Variants in FBXO45 observed in about 807,000 individuals in gnomAD.
FBXO45 encodes F-box/SPRY domain-containing protein 1.
A neutral mutation model predicts 25.5 loss-of-function variants in FBXO45; 3 were observed. The observed-to-expected ratio is 0.12, with a 90% CI of 0.05 to 0.30. FBXO45 has a LOEUF of 0.30. Ranked by LOEUF, FBXO45 falls within the 10% of genes least tolerant of loss-of-function variation. The pLI, the probability that FBXO45 is intolerant of heterozygous loss-of-function variation, is 1.00. For synonymous variants in FBXO45, 155 were observed against 149.8 expected (o/e 1.03, Z -0.25); for missense variants, 219 against 365.0 (o/e 0.60, Z 3.26).
chr3:196,577,911 TA>T, intron 2 of FBXO45, 102 bp downstream of exon 2: 2 of 664,358 alleles, frequency 3.0e-6, no homozygotes, highest in Non-Finnish European at 2.2e-6. Context: ...GTCTTTTTGG[TA>T]ATTTTTATTT....
At position 196,586,888 on chromosome 3, in the gene FBXO45, C is replaced by T. The variant is rs1289281789; in HGVS notation, c.*2570C>T. On this transcript the variant is annotated 3_prime_UTR_variant, in exon 3 of 3. Transcript: ENST00000311630. Reference sequence around the variant, plus strand: ...TTGTAAAATTCACCTTGAGTTTTCTCATCTGCAAAATAGAAAAAAAAAAAT... The same window carrying T: ...TTGTAAAATTCACCTTGAGTTTTCTTATCTGCAAAATAGAAAAAAAAAAAT... 6.9e-6 allele frequency: 1 copy of T among 144,968 alleles called. No individual in the cohort carries two copies. Among genetic ancestry groups the T allele is most frequent in the Admixed American group, 7.3e-5 (1 of 13,756 alleles). 9.0% of individuals were successfully genotyped at this position (144,968 alleles called of 1,614,324 possible). A position where few individuals can be genotyped will look rare whatever the true frequency, so the allele number is the denominator to read the frequency against.
chr3:196,576,696 A>AT (rs1201936949), intron 1 of FBXO45, among the ~76,000 whole-genome samples: 1 of 152,336 alleles, frequency 6.6e-6, no homozygotes, highest in East Asian at 1.9e-4. Context: ...TGTCTTATTG[A>AT]TAGCTTCTCT....
At chr3:196,581,693 T>C (rs1175993620) in intron 2 of FBXO45, among the ~76,000 whole-genome samples, 1 of 152,226 alleles carries the variant, frequency 6.6e-6, no homozygotes, top group Admixed American at 6.5e-5. Context: ...TGTTGATTGC[T>C]TTTTTCCCCT....
chr3:196,587,376 A>C lies in FBXO45; in HGVS notation c.*3058A>C, dbSNP rs771211881. On this transcript the variant is annotated 3_prime_UTR_variant, in exon 3 of 3. Coordinates refer to ENST00000311630, the MANE Select transcript of FBXO45 (RefSeq NM_001105573.2). ...CATTTATTTCATCTCCCTCATTCAC[A>C]TAAAGTGTAGATATGGATTCAATAA... 4 of 152,232 alleles carry C rather than the reference A, an allele frequency of 2.6e-5. No homozygotes were observed. The highest frequency in any genetic ancestry group is 4.4e-5 in the Non-Finnish European group (3 of 68,044). The allele number at this position is 152,232 out of a possible 1,614,324, so 9.4% of individuals were successfully genotyped here. A position where few individuals can be genotyped will look rare whatever the true frequency, so the allele number is the denominator to read the frequency against.
At chr3:196,571,002 G>C (rs764213561) in intron 1 of FBXO45, among the ~76,000 whole-genome samples, 1 of 151,718 alleles carries the variant, frequency 6.6e-6, no homozygotes, top group African/African-American at 2.4e-5. Flanking sequence ...GAGCTCATGC[G>C]CCCGGCCTCA....
intron 2 of FBXO45, among the ~76,000 whole-genome samples, chr3:196,583,260 CACTT>C (rs1690499016): frequency 6.6e-6 from 1 of 152,152 alleles, no homozygotes; most frequent in Non-Finnish European, 1.5e-5. Flanking sequence ...GTAATCCCAG[CACTT>C]TGGGAGGCTG....
At chr3:196,572,443 C>T (rs1735844469) in intron 1 of FBXO45, among the ~76,000 whole-genome samples, 1 of 152,148 alleles carries the variant, frequency 6.6e-6, no homozygotes, top group African/African-American at 2.4e-5. Flanking sequence ...AAGGCTTTCT[C>T]AGATCCATGT....
intron 1 of FBXO45, among the ~76,000 whole-genome samples, chr3:196,573,974 G>C (rs1735872389): frequency 8.0e-6 from 1 of 124,406 alleles, no homozygotes; most frequent in South Asian, 2.5e-4. Flanking sequence ...GTCTTGCTCT[G>C]TTGCCCAGGC....
intron 1 of FBXO45, among the ~76,000 whole-genome samples, chr3:196,570,813 G>T (rs1180986394): frequency 6.7e-6 from 1 of 148,506 alleles, no homozygotes; most frequent in Non-Finnish European, 1.5e-5. Context: ...CCGGGTTCAC[G>T]CCATTCTCCT....
At chr3:196,577,148 A>G (rs1481562157) in intron 1 of FBXO45, among the ~76,000 whole-genome samples, 5 of 152,350 alleles carry the variant, frequency 3.3e-5, no homozygotes, top group African/African-American at 9.6e-5. Flanking sequence ...TAAACGTTTC[A>G]GTATTATCTG....
rs1735737456 is a variant in FBXO45 at position 196,569,376 on chromosome 3, G to A, written c.318+74G>A. The A allele has an allele frequency of 7.1e-7, 1 of 1,401,736 alleles. No individual in the cohort carries two copies. The highest frequency in any genetic ancestry group is 2.6e-5 in the East Asian group (1 of 37,826). The allele number at this position is 1,401,736 out of a possible 1,614,324, so 86.8% of individuals were successfully genotyped here. ...GTCGTTCGCGGTGTTTCTCATCCGA[G>A]CTTCTGAGTCAGAAGCTTCGCCTCA... On this transcript the variant is annotated intron_variant, in intron 1 of 2. Transcript: ENST00000311630. This position sits in a 1 kb window ranked among gnomAD's most constrained non-coding sequence, Gnocchi z 4.1.
intron 2 of FBXO45, among the ~76,000 whole-genome samples, chr3:196,579,403 A>G (rs1167293648): frequency 6.6e-6 from 1 of 152,216 alleles, no homozygotes; most frequent in South Asian, 2.1e-4. Flanking sequence ...CTCTGCGGAT[A>G]CTATAAGGAG....
chr3:196,583,796 C>T (rs953123601), intron 2 of FBXO45, among the ~76,000 whole-genome samples: 23 of 152,166 alleles, frequency 1.5e-4, no homozygotes, highest in African/African-American at 4.8e-4. Context: ...GGTGCGATAC[C>T]AGCTTTGCGC....
rs1041274219 is a variant in FBXO45 at position 196,585,041 on chromosome 3, T to G, written c.*723T>G. Reference sequence around the variant, plus strand: ...GGAGATGTGTTGTATTGACTCATTTTGTATTATTTTTGGCTTACAGTTCCC... The same window carrying G: ...GGAGATGTGTTGTATTGACTCATTTGGTATTATTTTTGGCTTACAGTTCCC... On this transcript the variant is annotated 3_prime_UTR_variant, in exon 3 of 3. Coordinates refer to ENST00000311630, the MANE Select transcript of FBXO45 (RefSeq NM_001105573.2). 1 of 152,218 alleles carries G rather than the reference T, an allele frequency of 6.6e-6. No individual in the cohort carries two copies. The highest frequency in any genetic ancestry group is 1.5e-5 in the Non-Finnish European group (1 of 68,040). 9.4% of individuals were successfully genotyped at this position (152,218 alleles called of 1,614,324 possible).
Position 196,568,871 on chromosome 3 carries a change from C to G in FBXO45, c.-114C>G, listed in dbSNP as rs940625425. ...GTGGTGGAGGCGCCGGCGGTTGGCA[C>G]TGACAGGGGCGGTGAGCGAGCCGCT... On this transcript the variant is annotated 5_prime_UTR_variant, in exon 1 of 3. Coordinates refer to ENST00000311630, the MANE Select transcript of FBXO45 (RefSeq NM_001105573.2). The G allele has an allele frequency of 4.9e-6, 4 of 820,344 alleles. No homozygotes were observed. Among genetic ancestry groups the G allele is most frequent in the Non-Finnish European group, 5.9e-6 (4 of 678,878 alleles). 50.8% of individuals were successfully genotyped at this position (820,344 alleles called of 1,614,324 possible).
In FBXO45 at chr3:196,577,824, T is replaced by A; in HGVS notation, c.675+15T>A. 6.5e-7 allele frequency: 1 copy of A among 1,536,160 alleles called. No individual in the cohort carries two copies. Among genetic ancestry groups the A allele is most frequent in the South Asian group, 1.2e-5 (1 of 82,650 alleles). On this transcript the variant is annotated intron_variant, in intron 2 of 2. Transcript: ENST00000311630. ...CAAAATATCAGGTGAGAAACTGGGG[T>A]TTTTCTCAAGTATGGGCCTTTGTCA...
chr3:196,569,194 G>A lies in FBXO45; in HGVS notation c.210G>A (p.Leu70=), dbSNP rs1207391451. 1 of 1,568,390 alleles carries A rather than the reference G, an allele frequency of 6.4e-7. No homozygotes were observed. Among genetic ancestry groups the A allele is most frequent in the South Asian group, 1.2e-5 (1 of 85,148 alleles). Residue 70 remains leucine (L), a synonymous_variant, in exon 1 of 3, where the codon CTG becomes CTA. Coordinates refer to ENST00000311630, the MANE Select transcript of FBXO45 (RefSeq NM_001105573.2). The surrounding 1 kb of genome is among the most constrained non-coding windows in gnomAD (Gnocchi z 4.1). Reference sequence around the variant, plus strand: ...TGTGCAAGCACTGGTACCGCTGCCTGCACGGCGATGAGAACAGCGAGGTGT... The same window carrying A: ...TGTGCAAGCACTGGTACCGCTGCCTACACGGCGATGAGAACAGCGAGGTGT... ...ALVCKHWYRC[L]HGDENSEVWR...
At chr3:196,573,991 G>T (rs1020447913) in intron 1 of FBXO45, among the ~76,000 whole-genome samples, 1 of 145,862 alleles carries the variant, frequency 6.9e-6, no homozygotes. Flanking sequence ...AGGCTGGAGC[G>T]CAGTGGCACA....
At position 196,586,122 on chromosome 3, in the gene FBXO45, T is replaced by G. The variant is rs900578345; in HGVS notation, c.*1804T>G. On this transcript the variant is annotated 3_prime_UTR_variant, in exon 3 of 3. Transcript: ENST00000311630. ...TAGAGAATGTAGGTGGTATAGAAAT[T>G]GATTTTTCTTGGTGTAGAACAACTC... is the stretch of plus-strand genomic sequence containing the variant. 5.3e-5 allele frequency: 8 copies of G among 152,222 alleles called. No homozygotes were observed. Among genetic ancestry groups the G allele is most frequent in the Non-Finnish European group, 1.2e-4 (8 of 68,032 alleles). The allele number at this position is 152,222 out of a possible 1,614,324, so 9.4% of individuals were successfully genotyped here.
Sources: allele counts gnomAD v4.1 joint callset (sites outside exome capture counted in the v4.1 genomes callset), GRCh38; gene constraint gnomAD v4.1.1; non-coding constraint Gnocchi (gnomAD v3.1); transcripts MANE v1.5; gene names NCBI Gene and HGNC (gene_info 2026-07-23, HGNC 2026-07-21).